The following ACACA variants were observed in gnomAD, a reference collection of about 807,000 sequenced individuals.
The protein encoded by ACACA is acetyl-CoA carboxylase alpha.
Under a neutral mutation model 296.1 loss-of-function variants are expected in ACACA, and 103 were observed. The observed-to-expected ratio is 0.35, with a 90% CI of 0.30 to 0.41. ACACA has a LOEUF of 0.41. Among genes scored for constraint, ACACA ranks in the 10% least tolerant of loss-of-function variants. The pLI, the probability that ACACA is intolerant of heterozygous loss-of-function variation, is 1.00. For missense variants in ACACA, 1,554 were observed against 2,989.7 expected (o/e 0.52, Z 11.20); for synonymous variants, 953 against 1,038.6 (o/e 0.92, Z 1.58).
rs149095577 is a variant in ACACA at position 37,116,294 on chromosome 17, A to C, written c.6275-3029T>G. 3.5e-4 allele frequency among the ~76,000 whole-genome samples: 54 copies of C among 152,266 alleles called. 1 individual carries two copies. The East Asian group carries it at 9.1e-3, about 26-fold the overall frequency. Reference sequence around the variant, plus strand: ...TAAGCCTCTGTGCCCAGCCTCTACTACTTCATTCTTACTGCTAGGAGAGAC... The same window carrying C: ...TAAGCCTCTGTGCCCAGCCTCTACTCCTTCATTCTTACTGCTAGGAGAGAC... On this transcript the variant is annotated intron_variant, in intron 50 of 55. Coordinates refer to ENST00000616317, the MANE Select transcript of ACACA (RefSeq NM_198834.3).
At chr17:37,216,425 G>A (rs2079002328) in intron 29 of ACACA, among the ~76,000 whole-genome samples, 1 of 151,920 alleles carries the variant, frequency 6.6e-6, no homozygotes, top group Non-Finnish European at 1.5e-5. Flanking sequence ...GAAGTCTTGG[G>A]TAGAAGATCA....
chr17:37,362,939 C>T (rs545186622), intron 1 of ACACA, among the ~76,000 whole-genome samples: 6 of 146,154 alleles, frequency 4.1e-5, no homozygotes, highest in Non-Finnish European at 8.9e-5. Flanking sequence ...CGCGCCACTG[C>T]ACTCCAGCCT....
intron 3 of ACACA, among the ~76,000 whole-genome samples, chr17:37,311,271 G>C (rs545005411): frequency 2.0e-5 from 3 of 152,262 alleles, no homozygotes; most frequent in Non-Finnish European, 2.9e-5. Context: ...TCAAAAAAAG[G>C]CCTTCTATAA....
chr17:37,293,604 G>A (rs2083183968), intron 3 of ACACA, among the ~76,000 whole-genome samples: 2 of 143,926 alleles, frequency 1.4e-5, no homozygotes, highest in African/African-American at 2.6e-5. Flanking sequence ...GTGTAGTGGT[G>A]TAATCTCAAC....
chr17:37,108,470 C>G (rs771652671), intron 52 of ACACA, among the ~76,000 whole-genome samples: 117 of 152,026 alleles, frequency 7.7e-4, no homozygotes, highest in Non-Finnish European at 1.3e-3. Context: ...CTCACTGCAA[C>G]CTCCACCTCC....
At chr17:37,143,434 T>A (rs2143894348) in intron 45 of ACACA, among the ~76,000 whole-genome samples, 1 of 152,282 alleles carries the variant, frequency 6.6e-6, no homozygotes, top group Middle Eastern at 3.4e-3. Context: ...CTGCTTAAAA[T>A]TTTTATGCCA....
intron 38 of ACACA, 36 bp from the exon 39 acceptor site, chr17:37,188,516 T>G (rs773055788): frequency 1.2e-6 from 2 of 1,605,896 alleles, no homozygotes; most frequent in African/African-American, 2.7e-5. Context: ...AAAACTTAAA[T>G]ATCTTCTAAC....
intron 39 of ACACA, among the ~76,000 whole-genome samples, chr17:37,187,736 A>G (rs914138155): frequency 1.3e-5 from 2 of 152,238 alleles, no homozygotes; most frequent in African/African-American, 4.8e-5. Context: ...AACATAATAG[A>G]TAACACAATA....
In ACACA at chr17:37,267,483, C is replaced by A. The variant is rs2081840196; in HGVS notation, c.1119+3268G>T. Among the ~76,000 whole-genome samples the A allele has an allele frequency of 2.0e-5, 3 of 152,314 alleles. No homozygotes were observed. The South Asian group carries it at 6.2e-4, about 32-fold the overall frequency. The stretch of plus-strand genomic sequence containing the variant: ...TACAAAACCATTGCAAATAATTTCT[C>A]ACATTGCTCTATGTTTTTCATCCTT... On this transcript the variant is annotated intron_variant, in intron 10 of 55. Coordinates refer to ENST00000616317, the MANE Select transcript of ACACA (RefSeq NM_198834.3).
chr17:37,263,116 C>T (rs1259249212), intron 11 of ACACA, among the ~76,000 whole-genome samples: 1 of 152,162 alleles, frequency 6.6e-6, no homozygotes, highest in East Asian at 1.9e-4. Context: ...AGACCTCTAA[C>T]ACACATGAAA....
intron 2 of ACACA, among the ~76,000 whole-genome samples, chr17:37,334,773 G>C (rs775803874): frequency 1.3e-5 from 2 of 151,950 alleles, no homozygotes; most frequent in African/African-American, 4.8e-5. Flanking sequence ...GTCCATGCCA[G>C]TAGCTCCCCT....
chr17:37,117,839 GTC>G (rs1322011646), intron 50 of ACACA, among the ~76,000 whole-genome samples: 1 of 149,978 alleles, frequency 6.7e-6, no homozygotes, highest in Non-Finnish European at 1.5e-5. Context: ...AGCAAGAGCT[GTC>G]TCTAATCTTT....
At chr17:37,266,661 A>C (rs1374279264) in intron 10 of ACACA, among the ~76,000 whole-genome samples, 2 of 152,118 alleles carry the variant, frequency 1.3e-5, no homozygotes, top group Non-Finnish European at 2.9e-5. Context: ...ATTTTCAACA[A>C]GTTCTGGGTC....
intron 11 of ACACA, among the ~76,000 whole-genome samples, chr17:37,259,975 G>A (rs1465696420): frequency 1.3e-5 from 2 of 149,292 alleles, no homozygotes; most frequent in Admixed American, 6.7e-5. Flanking sequence ...TCTGCCTCCC[G>A]GGTTCAAGTG....
At position 37,086,879 on chromosome 17, in the gene ACACA, T is replaced by G. The variant is rs1473928737; in HGVS notation, c.*437A>C. The G allele has an allele frequency of 3.6e-6, 1 of 275,248 alleles. No homozygotes were observed. The highest frequency in any genetic ancestry group is 7.1e-6 in the Non-Finnish European group (1 of 139,878). 17.1% of individuals were successfully genotyped at this position (275,248 alleles called of 1,614,324 possible). A position where few individuals can be genotyped will look rare whatever the true frequency, so the allele number is the denominator to read the frequency against. ...GGCTTCCTCCTCTCCTTAGCCCTCC[T>G]CTGCTGCCTGTGGCTGCGGCTCATG... is the stretch of plus-strand genomic sequence containing the variant. On this transcript the variant is annotated 3_prime_UTR_variant, in exon 56 of 56. Transcript: ENST00000616317.
chr17:37,299,458 T>C (rs2083512945), intron 3 of ACACA: 1 of 1,572,762 alleles, frequency 6.4e-7, no homozygotes, highest in African/African-American at 1.4e-5. Flanking sequence ...GCCTTCTGCC[T>C]GGCTTCAGTC....
intron 1 of ACACA, chr17:37,391,773 C>A (rs2050895894): frequency 6.6e-7 from 1 of 1,509,762 alleles, no homozygotes; most frequent in South Asian, 1.1e-5. Context: ...CAGTCCTCTC[C>A]CTATTAATAT....
intron 3 of ACACA, among the ~76,000 whole-genome samples, chr17:37,316,298 T>TACACAC (rs1376843680): frequency 1.0e-5 from 1 of 95,700 alleles, no homozygotes; most frequent in Non-Finnish European, 1.9e-5. Flanking sequence ...GCTCTACCCT[T>TACACAC]ACATACACAC....
chr17:37,281,124 G>A (rs1211702477), intron 5 of ACACA, among the ~76,000 whole-genome samples: 3 of 148,252 alleles, frequency 2.0e-5, no homozygotes, highest in African/African-American at 5.0e-5. Flanking sequence ...GCAGTGGCAC[G>A]ATCTCAGCTC....
Sources: allele counts gnomAD v4.1 joint callset (sites outside exome capture counted in the v4.1 genomes callset), GRCh38; gene constraint gnomAD v4.1.1; transcripts MANE v1.5; gene names NCBI Gene and HGNC (gene_info 2026-07-23, HGNC 2026-07-21).